Variants in GPHN observed in about 807,000 individuals in gnomAD.
The protein encoded by GPHN is gephyrin.
GPHN carries 17 observed loss-of-function variants against 95.5 expected under a neutral mutation model. The observed-to-expected ratio is 0.18, with a 90% CI of 0.12 to 0.27. GPHN has a LOEUF of 0.27. Ranked by LOEUF, GPHN falls within the 10% of genes least tolerant of loss-of-function variation. The pLI, the probability that GPHN is intolerant of heterozygous loss-of-function variation, is 1.00. For synonymous variants in GPHN, 320 were observed against 322.5 expected, an observed-to-expected ratio of 0.99 and a Z score of 0.08; for missense variants, 660 against 978.1, an observed-to-expected ratio of 0.67 and a Z score of 4.34.
chr14:66,973,467 T>C (rs2069959397), intron 9 of GPHN, among the ~76,000 whole-genome samples: 1 of 152,190 alleles, frequency 6.6e-6, no homozygotes, highest in African/African-American at 2.4e-5. Flanking sequence ...AAGCCCTCTT[T>C]TAAGAAATAG....
At chr14:67,303,407 T>G in the GPHN span, 1 of 744,928 alleles carries the variant, frequency 1.3e-6, no homozygotes, top group Non-Finnish European at 2.3e-6. Context: ...CTGCTGGTCA[T>G]TTAAGTCTGT....
At chr14:66,772,856 G>A (rs1011475820) in intron 2 of GPHN, among the ~76,000 whole-genome samples, 12 of 152,034 alleles carry the variant, frequency 7.9e-5, no homozygotes, top group Non-Finnish European at 1.0e-4. Flanking sequence ...CTTTAAAACC[G>A]TCCCCTTGGT....
the GPHN span, chr14:67,385,166 CAAAACTT>C: frequency 6.6e-6 from 1 of 152,066 alleles, no homozygotes; most frequent in Non-Finnish European, 1.5e-5. Flanking sequence ...AAAGAACAAA[CAAAACTT>C]AAAAGTATTC....
intron 1 of GPHN, among the ~76,000 whole-genome samples, chr14:66,583,161 T>C (rs1050961058): frequency 6.6e-5 from 10 of 152,106 alleles, no homozygotes; most frequent in East Asian, 1.9e-4. Context: ...TTTCATGTGT[T>C]TTTTGGCTGC....
chr14:67,534,832 C>T, the GPHN span, among the ~76,000 whole-genome samples: 606 of 152,054 alleles, frequency 4.0e-3, 1 homozygote, highest in African/African-American at 0.014. Context: ...TTAAAGTGTA[C>T]ATCATTTACC....
the GPHN span, among the ~76,000 whole-genome samples, chr14:67,240,008 A>G: frequency 9.2e-5 from 14 of 152,134 alleles, no homozygotes; most frequent in African/African-American, 2.9e-4. Flanking sequence ...TGGCATCTTT[A>G]TGGAGGAATA....
the GPHN span, chr14:67,397,918 C>G: frequency 3.9e-6 from 4 of 1,032,550 alleles, no homozygotes; most frequent in Non-Finnish European, 5.6e-6. Context: ...AGTAACCAGA[C>G]TGTGCTGTGG....
At chr14:66,976,710 C>A (rs549350263) in intron 9 of GPHN, among the ~76,000 whole-genome samples, 4 of 152,102 alleles carry the variant, frequency 2.6e-5, no homozygotes, top group Middle Eastern at 3.4e-3. Flanking sequence ...ATTGGGGATA[C>A]AGCAATGAAT....
At chr14:67,192,096 C>T in the GPHN span, among the ~76,000 whole-genome samples, 39 of 152,356 alleles carry the variant, frequency 2.6e-4, 1 homozygote, top group East Asian at 1.5e-3. Context: ...GTGCCACCCT[C>T]GCTCTGCAGC....
At chr14:66,561,439 A>G (rs903669991) in intron 1 of GPHN, among the ~76,000 whole-genome samples, 4 of 151,950 alleles carry the variant, frequency 2.6e-5, no homozygotes, top group Non-Finnish European at 5.9e-5. Flanking sequence ...TCTATTCTGT[A>G]TTCTGTCGAA....
chr14:67,032,986 G>T (rs1016795694), intron 10 of GPHN, among the ~76,000 whole-genome samples: 8 of 152,078 alleles, frequency 5.3e-5, no homozygotes, highest in Non-Finnish European at 1.2e-4. Context: ...CTTTAAAAAG[G>T]TCACTGATCT....
chr14:67,333,880 A>G, the GPHN span: 1 of 152,580 alleles, frequency 6.6e-6, no homozygotes, highest in Non-Finnish European at 1.5e-5. Flanking sequence ...CACATTTGAC[A>G]GTTTTTGCAT....
At chr14:67,596,482 A>C in the GPHN span, among the ~76,000 whole-genome samples, 5 of 151,860 alleles carry the variant, frequency 3.3e-5, no homozygotes, top group African/African-American at 1.2e-4. Flanking sequence ...AAAATTATTG[A>C]TGACCTAGAA....
intron 3 of GPHN, among the ~76,000 whole-genome samples, chr14:66,811,379 A>G (rs1441280510): frequency 1.3e-5 from 2 of 152,188 alleles, no homozygotes; most frequent in African/African-American, 4.8e-5. Context: ...GTATGAAAAT[A>G]TTTATGGAAG....
At chr14:67,388,798 G>A in the GPHN span, among the ~76,000 whole-genome samples, 1 of 152,068 alleles carries the variant, frequency 6.6e-6, no homozygotes, top group South Asian at 2.1e-4. Flanking sequence ...TCCTGCCTCA[G>A]TCTCCCGAGG....
At chr14:66,887,124 C>T (rs566171213) in intron 5 of GPHN, among the ~76,000 whole-genome samples, 1 of 152,210 alleles carries the variant, frequency 6.6e-6, no homozygotes, top group East Asian at 1.9e-4. Context: ...TGAGCCCTAA[C>T]CCGAGGAGAA....
At chr14:67,397,523 G>A in the GPHN span, 1 of 661,102 alleles carries the variant, frequency 1.5e-6, no homozygotes, top group Admixed American at 3.2e-5. Flanking sequence ...CCTGGTATGT[G>A]GCGGAGCCAG....
At chr14:66,576,659 G>A (rs1044989783) in intron 1 of GPHN, among the ~76,000 whole-genome samples, 1 of 152,140 alleles carries the variant, frequency 6.6e-6, no homozygotes, top group South Asian at 2.1e-4. Flanking sequence ...ATTTGGTGGG[G>A]TAGGAAATTT....
intron 5 of GPHN, among the ~76,000 whole-genome samples, chr14:66,890,921 G>A (rs1567066126): frequency 6.6e-6 from 1 of 151,880 alleles, no homozygotes; most frequent in African/African-American, 2.4e-5. Context: ...GGAAAAGAAG[G>A]AAACTACCTT....
Sources: gnomAD v4.1 joint callset for allele counts (sites outside exome capture counted in the v4.1 genomes callset) on GRCh38, gnomAD v4.1.1 for gene constraint, MANE v1.5 for transcripts, NCBI Gene and HGNC (gene_info 2026-07-23, HGNC 2026-07-21) for gene names.